The following CHRM3 variants were observed in gnomAD, a reference collection of about 807,000 sequenced individuals.
The protein encoded by CHRM3 is cholinergic receptor muscarinic 3, also known as muscarinic acetylcholine receptor M3.
In CHRM3, 11 loss-of-function variants were observed where a neutral mutation model predicts 41.8. The ratio of observed to expected loss-of-function variants is 0.26; its 90% CI spans 0.17 to 0.44. The LOEUF (loss-of-function observed/expected upper bound fraction) is 0.44, where lower values mean the gene tolerates loss of function less well. Ranked by LOEUF, CHRM3 falls within the 20% of genes least tolerant of loss-of-function variation. The pLI, the probability that CHRM3 is intolerant of heterozygous loss-of-function variation, is 1.00. For missense variants in CHRM3, 571 were observed against 745.4 expected, an observed-to-expected ratio of 0.77 and a Z score of 2.72; for synonymous variants, 297 against 301.4, an observed-to-expected ratio of 0.99 and a Z score of 0.15.
intron 1 of CHRM3, among the ~76,000 whole-genome samples, chr1:239,395,001 T>G (rs1394113005): frequency 2.0e-5 from 3 of 152,132 alleles, no homozygotes; most frequent in Non-Finnish European, 4.4e-5. Flanking sequence ...AGCAATGACT[T>G]CTCCAAAAGT....
intron 5 of CHRM3, among the ~76,000 whole-genome samples, chr1:239,710,528 T>C (rs1221222668): frequency 6.6e-6 from 1 of 152,102 alleles, no homozygotes; most frequent in African/African-American, 2.4e-5. Context: ...ATGTGACATA[T>C]GAGCAGGAGG....
At chr1:239,408,521 CAAAAAAAA>C (rs371319364) in intron 1 of CHRM3, among the ~76,000 whole-genome samples, 5 of 61,268 alleles carry the variant, frequency 8.2e-5, no homozygotes, top group African/African-American at 1.7e-4. Context: ...GAGACTCCGT[CAAAAAAAA>C]AAAAAAAAAA....
Position 239,915,157 on chromosome 1 carries a change from T to A in CHRM3, c.*5933T>A, listed in dbSNP as rs1422374662. 3 of 167,114 alleles carry A rather than the reference T, an allele frequency of 1.8e-5. No individual in the cohort carries two copies. Among genetic ancestry groups the A allele is most frequent in the African/African-American group, 7.2e-5 (3 of 41,460 alleles). The allele number at this position is 167,114 out of a possible 1,614,324, so 10.4% of individuals were successfully genotyped here. On this transcript the variant is annotated 3_prime_UTR_variant, in exon 7 of 7. Coordinates refer to ENST00000676153, the MANE Select transcript of CHRM3 (RefSeq NM_001375978.1). ...TCTCTGGTGGATAGAGAAACCGCAGTCCAAAAACAGATGGGTGTATATTTG... is the reference window on the plus strand; with the variant it reads ...TCTCTGGTGGATAGAGAAACCGCAGACCAAAAACAGATGGGTGTATATTTG...
intron 1 of CHRM3, among the ~76,000 whole-genome samples, chr1:239,431,273 T>C (rs1181150650): frequency 6.6e-6 from 1 of 152,158 alleles, no homozygotes. Context: ...ATGTTAACTA[T>C]ATAGTAGATT....
chr1:239,419,225 T>C (rs997839807), intron 1 of CHRM3, among the ~76,000 whole-genome samples: 4 of 152,206 alleles, frequency 2.6e-5, no homozygotes, highest in Admixed American at 1.3e-4. Context: ...TCCTTTTTTT[T>C]CTATCATTCA....
intron 1 of CHRM3, among the ~76,000 whole-genome samples, chr1:239,422,676 T>C (rs1262021039): frequency 1.3e-5 from 2 of 151,796 alleles, no homozygotes; most frequent in Admixed American, 1.3e-4. Flanking sequence ...GTGCCTGTAG[T>C]CCCAGCTACT....
chr1:239,861,179 C>T (rs1220739089), intron 6 of CHRM3, among the ~76,000 whole-genome samples: 1 of 152,018 alleles, frequency 6.6e-6, no homozygotes, highest in Non-Finnish European at 1.5e-5. Flanking sequence ...CAAAAACAAG[C>T]TATGAAGCTT....
At chr1:239,677,090 G>A (rs1658078592) in intron 4 of CHRM3, among the ~76,000 whole-genome samples, 1 of 152,024 alleles carries the variant, frequency 6.6e-6, no homozygotes, top group Non-Finnish European at 1.5e-5. Context: ...ACAAGACTCA[G>A]GTTAAAGACC....
At chr1:239,888,942 G>C (rs191696266) in intron 6 of CHRM3, among the ~76,000 whole-genome samples, 1,858 of 152,264 alleles carry the variant, frequency 0.012, 41 homozygotes, top group African/African-American at 0.042. Context: ...CAAGTACGTT[G>C]TCATCTCCAT....
chr1:239,847,588 C>G (rs1380121262), intron 6 of CHRM3, among the ~76,000 whole-genome samples: 1 of 152,080 alleles, frequency 6.6e-6, no homozygotes, highest in East Asian at 1.9e-4. Flanking sequence ...CCACCAGGTG[C>G]AGAGGCTCAC....
At chr1:239,454,486 T>A (rs556249792) in intron 1 of CHRM3, among the ~76,000 whole-genome samples, 3 of 151,952 alleles carry the variant, frequency 2.0e-5, no homozygotes, top group Non-Finnish European at 2.9e-5. Flanking sequence ...CTTTTTTTTT[T>A]ATGGAGGCTT....
At chr1:239,831,123 G>A (rs1233827323) in intron 6 of CHRM3, among the ~76,000 whole-genome samples, 1 of 152,122 alleles carries the variant, frequency 6.6e-6, no homozygotes, top group Non-Finnish European at 1.5e-5. Context: ...TTGCTTAGAA[G>A]AAAGAGCACA....
At chr1:239,388,006 C>A (rs1484767218) in intron 1 of CHRM3, among the ~76,000 whole-genome samples, 3 of 152,108 alleles carry the variant, frequency 2.0e-5, no homozygotes, top group Admixed American at 1.3e-4. Context: ...TTGACTCCAG[C>A]AGCAGAATTC....
intron 6 of CHRM3, among the ~76,000 whole-genome samples, chr1:239,902,182 C>T (rs112395313): frequency 6.6e-6 from 1 of 152,088 alleles, no homozygotes; most frequent in African/African-American, 2.4e-5. Context: ...AACAACACAA[C>T]CCTGAGAACA....
At chr1:239,650,937 T>C (rs545513496) in intron 4 of CHRM3, among the ~76,000 whole-genome samples, 4 of 152,222 alleles carry the variant, frequency 2.6e-5, no homozygotes, top group African/African-American at 7.2e-5. Context: ...GCATAAAATA[T>C]GTGCACATTA....
intron 1 of CHRM3, among the ~76,000 whole-genome samples, chr1:239,412,879 G>T (rs1343105491): frequency 6.6e-6 from 1 of 151,922 alleles, no homozygotes; most frequent in Non-Finnish European, 1.5e-5. Context: ...AAGAGATGGA[G>T]ACCAGCCTGG....
chr1:239,575,809 C>G (rs535376588), intron 3 of CHRM3, among the ~76,000 whole-genome samples: 1 of 151,318 alleles, frequency 6.6e-6, no homozygotes, highest in Non-Finnish European at 1.5e-5. Flanking sequence ...AAAAAAAACA[C>G]GTAAAACAAA....
intron 6 of CHRM3, among the ~76,000 whole-genome samples, chr1:239,843,967 C>T (rs1262302005): frequency 6.6e-6 from 1 of 152,042 alleles, no homozygotes; most frequent in African/African-American, 2.4e-5. Context: ...CATATGCATA[C>T]ACACACGTTA....
At chr1:239,592,368 C>T (rs1664272866) in intron 3 of CHRM3, among the ~76,000 whole-genome samples, 1 of 152,038 alleles carries the variant, frequency 6.6e-6, no homozygotes, top group Non-Finnish European at 1.5e-5. Flanking sequence ...TTTAATGTAA[C>T]TATCGCAATT....
Sources: allele counts gnomAD v4.1 joint callset (sites outside exome capture counted in the v4.1 genomes callset), GRCh38; gene constraint gnomAD v4.1.1; transcripts MANE v1.5; gene names NCBI Gene and HGNC (gene_info 2026-07-23, HGNC 2026-07-21).